The following PARD3 variants were observed in gnomAD, a reference collection of about 807,000 sequenced individuals.
The protein encoded by PARD3 is partitioning defective 3 homolog.
A neutral mutation model predicts 155.4 loss-of-function variants in PARD3; 75 were observed. The ratio of observed to expected loss-of-function variants is 0.48; its 90% CI spans 0.40 to 0.58. The LOEUF (loss-of-function observed/expected upper bound fraction) is 0.58, where lower values mean the gene tolerates loss of function less well. Among genes scored for constraint, PARD3 ranks in the 20% least tolerant of loss-of-function variants. The pLI is 0.00. For missense variants in PARD3, 1,642 were observed against 1,721.7 expected, an observed-to-expected ratio of 0.95 and a Z score of 0.82; for synonymous variants, 576 against 610.5, an observed-to-expected ratio of 0.94 and a Z score of 0.83.
chr10:34,706,986 C>G (rs773664448), intron 1 of PARD3, among the ~76,000 whole-genome samples: 27 of 151,998 alleles, frequency 1.8e-4, no homozygotes, highest in Non-Finnish European at 3.2e-4. Flanking sequence ...TAGCTCACAC[C>G]TGTAATCCTA....
At chr10:34,373,813 T>C (rs1840939767) in intron 11 of PARD3, among the ~76,000 whole-genome samples, 1 of 151,920 alleles carries the variant, frequency 6.6e-6, no homozygotes. Flanking sequence ...GATAAGATAT[T>C]ATGACTAAAA....
At chr10:34,355,376 G>C (rs1838686611) in intron 14 of PARD3, among the ~76,000 whole-genome samples, 1 of 152,114 alleles carries the variant, frequency 6.6e-6, no homozygotes, top group Non-Finnish European at 1.5e-5. Flanking sequence ...AGAAGCAACA[G>C]GCAACAGGGA....
chr10:34,517,401 T>C (rs998944079), intron 2 of PARD3, among the ~76,000 whole-genome samples: 1 of 152,144 alleles, frequency 6.6e-6, no homozygotes, highest in African/African-American at 2.4e-5. Flanking sequence ...AATAATAAAA[T>C]TGTTTGCTAT....
intron 7 of PARD3, among the ~76,000 whole-genome samples, chr10:34,386,844 G>A (rs1415934911): frequency 2.0e-5 from 3 of 150,540 alleles, no homozygotes; most frequent in East Asian, 3.9e-4. Context: ...GAATTATTAA[G>A]ATATATCTAT....
At chr10:34,790,995 C>T (rs1402953015) in intron 1 of PARD3, among the ~76,000 whole-genome samples, 1 of 152,178 alleles carries the variant, frequency 6.6e-6, no homozygotes, top group Non-Finnish European at 1.5e-5. Flanking sequence ...CACACACTTA[C>T]TGATCATTTC....
intron 22 of PARD3, among the ~76,000 whole-genome samples, chr10:34,180,710 A>G (rs1200312647): frequency 2.0e-5 from 3 of 152,218 alleles, no homozygotes; most frequent in African/African-American, 7.2e-5. Flanking sequence ...ACTAATTTAT[A>G]AAGTTTTGTG....
chr10:34,547,452 CTA>C (rs1372291653), intron 2 of PARD3, among the ~76,000 whole-genome samples: 3 of 152,146 alleles, frequency 2.0e-5, no homozygotes, highest in Non-Finnish European at 4.4e-5. Context: ...ATAATTATGA[CTA>C]GAGATAATCT....
chr10:34,317,924 C>T (rs1958111076), intron 19 of PARD3, among the ~76,000 whole-genome samples: 1 of 152,190 alleles, frequency 6.6e-6, no homozygotes, highest in African/African-American at 2.4e-5. Flanking sequence ...TGTAACTCTT[C>T]TTTGCATAAG....
At chr10:34,716,141 C>T (rs2094516178) in intron 1 of PARD3, among the ~76,000 whole-genome samples, 1 of 152,180 alleles carries the variant, frequency 6.6e-6, no homozygotes, top group South Asian at 2.1e-4. Flanking sequence ...TAATTCCTTA[C>T]ATACATGGTT....
intron 2 of PARD3, among the ~76,000 whole-genome samples, chr10:34,571,251 C>G (rs1262146057): frequency 2.0e-5 from 3 of 152,142 alleles, no homozygotes; most frequent in African/African-American, 7.2e-5. Context: ...GAAGTCACAA[C>G]TGTGGGGAGC....
At chr10:34,673,891 T>C (rs1355547655) in intron 2 of PARD3, among the ~76,000 whole-genome samples, 1 of 150,426 alleles carries the variant, frequency 6.6e-6, no homozygotes, top group East Asian at 1.9e-4. Context: ...TGTGGGAGGC[T>C]GAAGACTCAC....
Position 34,517,043 on chromosome 10 carries a change from G to C in PARD3, c.339C>G (p.Val113=), listed in dbSNP as rs41276096. 2,434 of 1,614,212 alleles carry C rather than the reference G, an allele frequency of 1.5e-3. 9 individuals are homozygous for C. Among genetic ancestry groups the C allele is most frequent in the Middle Eastern group, 9.9e-3 (60 of 6,062 alleles). ...TTGCTTGGTAAGGCTGAAAGGCTGA[G>C]ACATTGTTGGTGCCAAGCTCACTAC... is the stretch of plus-strand genomic sequence containing the variant. ...IFGSELGTNN[V]SAFQPYQATS... is the part of the protein sequence containing the mutation. The change falls in exon 3 of 25, where the codon GTC becomes GTG. Residue 113 remains valine, a synonymous_variant. Transcript: ENST00000374788.
At chr10:34,733,475 T>TTA (rs767730767) in intron 1 of PARD3, among the ~76,000 whole-genome samples, 16 of 152,248 alleles carry the variant, frequency 1.1e-4, no homozygotes, top group Non-Finnish European at 1.9e-4. Flanking sequence ...GTGACAAACA[T>TTA]GATTAGAGTT....
chr10:34,647,180 A>G (rs1443743972), intron 2 of PARD3, among the ~76,000 whole-genome samples: 1 of 152,168 alleles, frequency 6.6e-6, no homozygotes, highest in Admixed American at 6.6e-5. Flanking sequence ...TCCATTATTC[A>G]TCCCTTCCTG....
intron 2 of PARD3, among the ~76,000 whole-genome samples, chr10:34,640,719 A>C (rs1232511037): frequency 1.4e-5 from 2 of 142,948 alleles, no homozygotes; most frequent in Non-Finnish European, 3.1e-5. Context: ...AAAAAAAAAA[A>C]AAAAAAAAAA....
At chr10:34,346,045 C>T (rs1166289419) in intron 15 of PARD3, 4 of 985,100 alleles carry the variant, frequency 4.1e-6, no homozygotes, top group Non-Finnish European at 4.8e-6. Context: ...TAAATAGTAA[C>T]GCATTTGTCA....
At chr10:34,472,801 T>C (rs1417377677) in intron 3 of PARD3, among the ~76,000 whole-genome samples, 1 of 152,208 alleles carries the variant, frequency 6.6e-6, no homozygotes, top group Non-Finnish European at 1.5e-5. Flanking sequence ...AAGGACTGAA[T>C]TAGCTTGGAC....
intron 1 of PARD3, among the ~76,000 whole-genome samples, chr10:34,774,432 A>G (rs903707639): frequency 1.3e-5 from 2 of 152,190 alleles, no homozygotes; most frequent in African/African-American, 4.8e-5. Flanking sequence ...AACCCTGCCA[A>G]TTTTCCTGCA....
At chr10:34,131,431 C>T in intron 23 of PARD3, 32 bp downstream of exon 23, 1 of 1,613,070 alleles carries the variant, frequency 6.2e-7, no homozygotes, top group Non-Finnish European at 8.5e-7. Context: ...AGTTGTAGGA[C>T]CATTCACCGT....
Sources: allele counts gnomAD v4.1 joint callset (sites outside exome capture counted in the v4.1 genomes callset), GRCh38; gene constraint gnomAD v4.1.1; transcripts MANE v1.5; gene names NCBI Gene and HGNC (gene_info 2026-07-23, HGNC 2026-07-21).